Variants in TRPM3 observed in about 807,000 individuals in gnomAD.
TRPM3 encodes the protein transient receptor potential cation channel subfamily M member 3.
A neutral mutation model predicts 181.2 loss-of-function variants in TRPM3; 77 were observed. That is an observed-to-expected ratio of 0.42 (90% CI 0.35 to 0.51). TRPM3 has a LOEUF of 0.51. TRPM3 is among the 20% of genes least tolerant of loss of function. TRPM3 has a pLI of 0.01. For missense variants in TRPM3, 1,759 were observed against 2,196.7 expected, an observed-to-expected ratio of 0.80 and a Z score of 3.98; for synonymous variants, 745 against 796.4, an observed-to-expected ratio of 0.94 and a Z score of 1.09.
At chr9:70,587,914 G>A (rs1281813133) in intron 22 of TRPM3, among the ~76,000 whole-genome samples, 3 of 152,202 alleles carry the variant, frequency 2.0e-5, no homozygotes, top group Non-Finnish European at 4.4e-5. Flanking sequence ...CAAGGTGGTA[G>A]GCAAAGTTTC....
chr9:70,621,444 A>C (rs2063627397), intron 14 of TRPM3, among the ~76,000 whole-genome samples, 171 bp from the exon 15 acceptor site: 1 of 152,010 alleles, frequency 6.6e-6, no homozygotes, highest in Non-Finnish European at 1.5e-5. Flanking sequence ...GGTTCACTGC[A>C]GCCTCAACCT....
At chr9:70,923,899 TAC>T (rs34418854) in intron 1 of TRPM3, among the ~76,000 whole-genome samples, 2,970 of 147,728 alleles carry the variant, frequency 0.02, 43 homozygotes, top group South Asian at 0.038. Flanking sequence ...CATATATACA[TAC>T]ACACACACAT....
chr9:71,235,590 C>A (rs552703418), intron 1 of TRPM3, among the ~76,000 whole-genome samples: 3 of 152,314 alleles, frequency 2.0e-5, no homozygotes, highest in African/African-American at 7.2e-5. Flanking sequence ...TGAGCTATAT[C>A]TTCCAGAGTT....
At chr9:71,052,285 T>C (rs1039597969) in intron 1 of TRPM3, among the ~76,000 whole-genome samples, 1 of 152,196 alleles carries the variant, frequency 6.6e-6, no homozygotes, top group African/African-American at 2.4e-5. Flanking sequence ...TGGACTTTTA[T>C]TGAATTCTAG....
At chr9:70,785,380 G>A (rs1306108180) in intron 6 of TRPM3, among the ~76,000 whole-genome samples, 2 of 152,102 alleles carry the variant, frequency 1.3e-5, no homozygotes, top group Non-Finnish European at 2.9e-5. Flanking sequence ...ATTTATCATT[G>A]AATAACTTCC....
intron 1 of TRPM3, among the ~76,000 whole-genome samples, chr9:70,949,440 C>T (rs1564826015): frequency 6.6e-6 from 1 of 152,088 alleles, no homozygotes; most frequent in Non-Finnish European, 1.5e-5. Context: ...CAAGGACTTT[C>T]ATGTGGCCAC....
chr9:71,057,553 T>A (rs914201319), intron 1 of TRPM3, among the ~76,000 whole-genome samples: 1 of 152,062 alleles, frequency 6.6e-6, no homozygotes, highest in African/African-American at 2.4e-5. Flanking sequence ...TGATTGCTAT[T>A]TAAAGAGTGC....
At chr9:70,962,746 GTCTC>G (rs567647979) in intron 1 of TRPM3, among the ~76,000 whole-genome samples, 3 of 151,362 alleles carry the variant, frequency 2.0e-5, no homozygotes, top group Non-Finnish European at 3.0e-5. Flanking sequence ...TATGAATGTG[GTCTC>G]TCTCTCTCTC....
chr9:71,221,089 A>G (rs1291753243), intron 1 of TRPM3, among the ~76,000 whole-genome samples: 1 of 152,110 alleles, frequency 6.6e-6, no homozygotes, highest in African/African-American at 2.4e-5. Flanking sequence ...AGCTCCAAAA[A>G]CCAACTAAAA....
intron 1 of TRPM3, among the ~76,000 whole-genome samples, chr9:70,997,254 A>C (rs2097548729): frequency 1.3e-5 from 2 of 152,048 alleles, no homozygotes; most frequent in Admixed American, 1.3e-4. Flanking sequence ...GCTGGAGTGC[A>C]GTGGCACGAT....
chr9:71,072,575 C>T (rs1379874179), intron 1 of TRPM3, among the ~76,000 whole-genome samples: 1 of 152,160 alleles, frequency 6.6e-6, no homozygotes. Flanking sequence ...CAATATCACA[C>T]AGTTCTTGGG....
At chr9:71,398,106 C>G (rs1057510751) in intron 1 of TRPM3, among the ~76,000 whole-genome samples, 4 of 152,172 alleles carry the variant, frequency 2.6e-5, no homozygotes, top group African/African-American at 9.7e-5. Context: ...TGATCTGCCC[C>G]ATGATAAGCT....
At chr9:71,259,964 C>T (rs1017600740) in intron 1 of TRPM3, among the ~76,000 whole-genome samples, 1 of 152,022 alleles carries the variant, frequency 6.6e-6, no homozygotes. Context: ...CCATGCCTAT[C>T]TCCTAAATGG....
intron 1 of TRPM3, among the ~76,000 whole-genome samples, chr9:71,197,070 T>C (rs2078427182): frequency 6.6e-6 from 1 of 152,146 alleles, no homozygotes; most frequent in Admixed American, 6.6e-5. Context: ...CCTTCCTGTG[T>C]CCATGTGTTC....
At chr9:70,597,385 T>G (rs966256516) in intron 21 of TRPM3, among the ~76,000 whole-genome samples, 1 of 152,178 alleles carries the variant, frequency 6.6e-6, no homozygotes, top group East Asian at 1.9e-4. Context: ...AAAAAGGTTT[T>G]TCAGTAAGAG....
At chr9:70,583,203 G>A (rs147526600) in intron 22 of TRPM3, among the ~76,000 whole-genome samples, 2,247 of 152,272 alleles carry the variant, frequency 0.015, 63 homozygotes, top group African/African-American at 0.051. Flanking sequence ...AGGATTTGGG[G>A]AATAGATAAA....
At chr9:71,244,612 T>C (rs1422845202) in intron 1 of TRPM3, among the ~76,000 whole-genome samples, 1 of 152,202 alleles carries the variant, frequency 6.6e-6, no homozygotes, top group East Asian at 1.9e-4. Flanking sequence ...AGCTGTACAC[T>C]GTACTTTACT....
At chr9:70,880,376 C>T (rs140118760) in intron 1 of TRPM3, among the ~76,000 whole-genome samples, 1,612 of 152,112 alleles carry the variant, frequency 0.011, 24 homozygotes, top group African/African-American at 0.037. Flanking sequence ...TCAGACTAAC[C>T]TGAAAAATAA....
intron 1 of TRPM3, among the ~76,000 whole-genome samples, chr9:71,163,624 T>C (rs1233727201): frequency 2.0e-5 from 3 of 152,088 alleles, no homozygotes; most frequent in Non-Finnish European, 2.9e-5. Flanking sequence ...AAACAAGAGA[T>C]ATACCTTGAG....
Sources: allele counts gnomAD v4.1 joint callset (sites outside exome capture counted in the v4.1 genomes callset), GRCh38; gene constraint gnomAD v4.1.1; transcripts MANE v1.5; gene names NCBI Gene and HGNC (gene_info 2026-07-23, HGNC 2026-07-21).